The following LAMA2 variants were observed in gnomAD, a reference collection of about 807,000 sequenced individuals.
LAMA2 encodes the protein laminin subunit alpha 2.
A neutral mutation model predicts 364.8 loss-of-function variants in LAMA2; 269 were observed. The observed-to-expected ratio is 0.74, with a 90% CI of 0.67 to 0.82. LAMA2 has a LOEUF of 0.82. Ranked by LOEUF, LAMA2 falls within the 40% of genes least tolerant of loss-of-function variation. The pLI is 0.00. For synonymous variants in LAMA2, 1,379 were observed against 1,370.6 expected, an observed-to-expected ratio of 1.01 and a Z score of -0.14; for missense variants, 3,807 against 3,873.2, an observed-to-expected ratio of 0.98 and a Z score of 0.45.
chr6:129,414,269 T>C (rs544878251), intron 40 of LAMA2, among the ~76,000 whole-genome samples: 1 of 152,206 alleles, frequency 6.6e-6, no homozygotes, highest in African/African-American at 2.4e-5. Flanking sequence ...GGACCCATTA[T>C]GCAATTTGTT....
At chr6:129,389,733 AAGAG>A (rs766870275) in intron 35 of LAMA2, among the ~76,000 whole-genome samples, 2 of 152,202 alleles carry the variant, frequency 1.3e-5, no homozygotes, top group African/African-American at 2.4e-5. Context: ...AGTGGCAGGA[AAGAG>A]AGAGAATGAA....
At chr6:129,450,170 T>A (rs1442476093) in intron 45 of LAMA2, among the ~76,000 whole-genome samples, 4 of 151,950 alleles carry the variant, frequency 2.6e-5, no homozygotes, top group African/African-American at 9.7e-5. Context: ...TTTTTTTTTT[T>A]ACCAGGCTTA....
chr6:129,464,659 C>G (rs564868824), intron 50 of LAMA2, among the ~76,000 whole-genome samples: 2 of 152,022 alleles, frequency 1.3e-5, no homozygotes, highest in Non-Finnish European at 2.9e-5. Flanking sequence ...AATTTAATTA[C>G]TATTTATTTT....
At chr6:129,430,798 G>A (rs889526923) in intron 41 of LAMA2, among the ~76,000 whole-genome samples, 7 of 152,018 alleles carry the variant, frequency 4.6e-5, no homozygotes, top group South Asian at 2.1e-4. Context: ...AGCCAAGATC[G>A]CTCCATTGCA....
At chr6:129,507,374 T>C in intron 61 of LAMA2, 115 bp from the exon 62 acceptor site, 2 of 1,117,932 alleles carry the variant, frequency 1.8e-6, no homozygotes, top group African/African-American at 1.5e-5. Flanking sequence ...GGATATCCCA[T>C]CCTAAGACAA....
At chr6:129,265,102 T>C (rs1787415219) in intron 15 of LAMA2, among the ~76,000 whole-genome samples, 2 of 152,050 alleles carry the variant, frequency 1.3e-5, no homozygotes, top group African/African-American at 4.8e-5. Flanking sequence ...AGAGAGTGAA[T>C]ATTGAGAAGA....
chr6:129,414,017 T>C (rs1482052169), intron 40 of LAMA2, among the ~76,000 whole-genome samples: 1 of 151,812 alleles, frequency 6.6e-6, no homozygotes, highest in African/African-American at 2.4e-5. Context: ...CACAAATGAA[T>C]AGGATCAAGA....
intron 23 of LAMA2, 75 bp from the exon 24 acceptor site, chr6:129,314,580 C>A: frequency 1.5e-6 from 2 of 1,368,666 alleles, no homozygotes; most frequent in East Asian, 2.3e-5. Flanking sequence ...AGTATGCTCC[C>A]GTTATGCATT....
intron 1 of LAMA2, among the ~76,000 whole-genome samples, chr6:128,913,592 G>A (rs1778121159): frequency 6.6e-6 from 1 of 152,150 alleles, no homozygotes; most frequent in Non-Finnish European, 1.5e-5. Flanking sequence ...TTGCAACACA[G>A]TGACCAAAGA....
chr6:129,009,460 A>T (rs1784637015), intron 1 of LAMA2, among the ~76,000 whole-genome samples: 1 of 152,204 alleles, frequency 6.6e-6, no homozygotes, highest in East Asian at 1.9e-4. Context: ...CCATTGTGAA[A>T]ATAGAAATTA....
At chr6:129,031,229 A>C (rs1007211948) in intron 1 of LAMA2, among the ~76,000 whole-genome samples, 9 of 152,206 alleles carry the variant, frequency 5.9e-5, no homozygotes, top group Non-Finnish European at 1.0e-4. Context: ...AGATATACTA[A>C]AGCTGCATAG....
chr6:128,902,238 T>A (rs1159899478), intron 1 of LAMA2, among the ~76,000 whole-genome samples: 1 of 152,202 alleles, frequency 6.6e-6, no homozygotes, highest in Non-Finnish European at 1.5e-5. Context: ...TGAGATTTTG[T>A]GAGGACACTG....
Position 129,281,435 on chromosome 6 carries a change from C to G in LAMA2, c.2537+1288C>G, listed in dbSNP as rs1423217887. Among the ~76,000 whole-genome samples the G allele has an allele frequency of 2.0e-5, 3 of 152,124 alleles. No individual in the cohort carries two copies. The East Asian group carries it at 5.8e-4, about 29-fold the overall frequency. ...CATAATCTCTGATGTACTTATATTG[C>G]TTTGCTTTATGTACTATACTCCCTA... On this transcript the variant is annotated intron_variant, in intron 18 of 64. Transcript: ENST00000421865.
At chr6:129,094,541 T>A (rs996440665) in intron 3 of LAMA2, among the ~76,000 whole-genome samples, 4 of 152,214 alleles carry the variant, frequency 2.6e-5, no homozygotes, top group African/African-American at 9.6e-5. Context: ...TGTAGCTGCA[T>A]GAGAACTTGG....
intron 45 of LAMA2, among the ~76,000 whole-genome samples, chr6:129,451,422 G>C (rs1384033610): frequency 6.6e-6 from 1 of 152,154 alleles, no homozygotes; most frequent in Non-Finnish European, 1.5e-5. Context: ...GGGAAGGCAA[G>C]AATAAGAAAG....
intron 12 of LAMA2, among the ~76,000 whole-genome samples, chr6:129,202,559 T>G (rs1782374249): frequency 6.6e-6 from 1 of 152,126 alleles, no homozygotes; most frequent in South Asian, 2.1e-4. Flanking sequence ...GATTTCCTAG[T>G]CTCCAGCACT....
intron 1 of LAMA2, among the ~76,000 whole-genome samples, chr6:129,035,528 A>AC (rs1786579140): frequency 7.5e-6 from 1 of 133,488 alleles, no homozygotes; most frequent in African/African-American, 2.8e-5. Flanking sequence ...CCATTTGTTC[A>AC]TTTTTTTTTT....
intron 1 of LAMA2, among the ~76,000 whole-genome samples, chr6:128,966,873 C>T (rs1781874370): frequency 6.6e-6 from 1 of 152,074 alleles, no homozygotes. Context: ...GGAATACTGG[C>T]TTTTTGTTTT....
chr6:129,236,253 A>C (rs1265188206), intron 12 of LAMA2, among the ~76,000 whole-genome samples: 1 of 152,218 alleles, frequency 6.6e-6, no homozygotes. Context: ...TAATTTGTCC[A>C]AAGTTCTATT....
Sources: allele counts gnomAD v4.1 joint callset (sites outside exome capture counted in the v4.1 genomes callset), GRCh38; gene constraint gnomAD v4.1.1; transcripts MANE v1.5; gene names NCBI Gene and HGNC (gene_info 2026-07-23, HGNC 2026-07-21).